ABL2: variants seen among roughly 807,000 people sequenced by gnomAD.
The protein encoded by ABL2 is tyrosine-protein kinase ABL2.
A neutral mutation model predicts 107.7 loss-of-function variants in ABL2; 49 were observed. That is an observed-to-expected ratio of 0.45 (90% CI 0.36 to 0.58). The LOEUF (loss-of-function observed/expected upper bound fraction) is 0.58. Ranked by LOEUF, ABL2 falls within the 20% of genes least tolerant of loss-of-function variation. The pLI is 0.00. For missense variants in ABL2, 1,245 were observed against 1,457.0 expected (o/e 0.85, Z 2.37); for synonymous variants, 549 against 548.6 (o/e 1.00, Z -0.01).
In ABL2 at chr1:179,136,709, AAAATAAATAAATAAATAAAT is replaced by A. The variant is rs201779575; in HGVS notation, c.158-3355_158-3336del. ...AGAAACACCCAAGAATGATCAATAAAAAATAAATAAATAAATAAATAAATAAATAAATAAAAATAAAAATA... is the reference window on the plus strand; with the variant it reads ...AGAAACACCCAAGAATGATCAATAAAAAATAAATAAATAAAAATAAAAATA... On this transcript the variant is annotated intron_variant, in intron 1 of 11. Transcript: ENST00000502732. 2.1e-5 allele frequency among the ~76,000 whole-genome samples: 3 copies of A among 140,642 alleles called. No individual in the cohort carries two copies. In the East Asian group the frequency reaches 6.3e-4, roughly 30 times the overall value. The allele number at this position is 140,642 out of a possible 152,430, so 92.3% of individuals were successfully genotyped here.
At position 179,102,290 on chromosome 1, in the gene ABL2, C is replaced by T. The variant is rs1375452362; in HGVS notation, c.*5428G>A. 2.2e-5 allele frequency: 4 copies of T among 183,496 alleles called. No homozygotes were observed. The highest frequency in any genetic ancestry group is 3.9e-4 in the South Asian group (2 of 5,074). The allele number at this position is 183,496 out of a possible 1,614,324, so 11.4% of individuals were successfully genotyped here. A position where few individuals can be genotyped will look rare whatever the true frequency, so the allele number is the denominator to read the frequency against. ...CCCCCCAAAGTGCTGGGATTACAGG[C>T]GTGAGCCACCGCACCCGGCCAGAAT... On this transcript the variant is annotated 3_prime_UTR_variant, in exon 12 of 12. Transcript: ENST00000502732.
rs760551908 is a variant in ABL2, at chr1:179,110,421, C to T, written c.1686G>A (p.Ser562=). 59 of 1,613,700 alleles carry T rather than the reference C, an allele frequency of 3.7e-5. No homozygotes were observed. The highest frequency in any genetic ancestry group is 1.4e-4 in the South Asian group (13 of 91,014). ...GGGGCAGGTATGGAACAACAGATGA[C>T]GAGGAGGCGGCTCTCCCAAGCTCCT... ...VAEELGRAAS[S]SSVVPYLPRL... The change falls in exon 11 of 12, where the codon TCG becomes TCA. Residue 562 remains serine, a synonymous_variant. Transcript: ENST00000502732.
intron 10 of ABL2, chr1:179,110,696 G>A: frequency 6.3e-7 from 1 of 1,596,298 alleles, no homozygotes; most frequent in Non-Finnish European, 8.6e-7. Flanking sequence ...GCCAACGTGT[G>A]AATATACCAC....
chr1:179,153,886 C>A (rs1315184845), intron 1 of ABL2, among the ~76,000 whole-genome samples: 1 of 150,798 alleles, frequency 6.6e-6, no homozygotes, highest in Non-Finnish European at 1.5e-5. Flanking sequence ...AACAAAAATC[C>A]ATTTTGTTCC....
intron 1 of ABL2, among the ~76,000 whole-genome samples, chr1:179,162,019 G>C (rs1421787359): frequency 6.6e-6 from 1 of 152,008 alleles, no homozygotes; most frequent in African/African-American, 2.4e-5. Flanking sequence ...GTTGATCTTG[G>C]ACCTCCCAGC....
At chr1:179,208,941 A>G (rs1558000400) in intron 1 of ABL2, among the ~76,000 whole-genome samples, 1 of 152,256 alleles carries the variant, frequency 6.6e-6, no homozygotes, top group Non-Finnish European at 1.5e-5. Flanking sequence ...CAATGATGTA[A>G]TAATACTACC....
intron 1 of ABL2, among the ~76,000 whole-genome samples, chr1:179,185,975 G>A (rs1364510996): frequency 6.6e-6 from 1 of 152,156 alleles, no homozygotes. Context: ...GCCGGGCGCA[G>A]TGGCTCACCC....
At chr1:179,211,143 A>G (rs1392673500) in intron 1 of ABL2, among the ~76,000 whole-genome samples, 1 of 152,198 alleles carries the variant, frequency 6.6e-6, no homozygotes, top group East Asian at 1.9e-4. Context: ...TATCAGGGTC[A>G]ATGAAAGAAC....
At chr1:179,179,662 C>T (rs543184782) in intron 1 of ABL2, among the ~76,000 whole-genome samples, 15 of 152,098 alleles carry the variant, frequency 9.9e-5, no homozygotes, top group African/African-American at 3.6e-4. Flanking sequence ...TACTAGGATA[C>T]ACAAAACGCA....
intron 1 of ABL2, among the ~76,000 whole-genome samples, chr1:179,180,020 G>C (rs1437294524): frequency 6.6e-6 from 1 of 152,030 alleles, no homozygotes; most frequent in South Asian, 2.1e-4. Context: ...GCTGAGGTGG[G>C]AGGATCACTT....
intron 1 of ABL2, among the ~76,000 whole-genome samples, chr1:179,176,829 G>A (rs1378435790): frequency 1.3e-5 from 2 of 151,028 alleles, no homozygotes; most frequent in African/African-American, 4.9e-5. Flanking sequence ...CCAAGTAGCT[G>A]GGATTACAGG....
chr1:179,141,468 G>A (rs1241739641), intron 1 of ABL2, among the ~76,000 whole-genome samples: 4 of 152,140 alleles, frequency 2.6e-5, no homozygotes, highest in African/African-American at 9.7e-5. Flanking sequence ...AAAACAGAAT[G>A]AGATCTACAG....
chr1:179,156,657 T>C (rs1658706317), intron 1 of ABL2, among the ~76,000 whole-genome samples: 1 of 152,108 alleles, frequency 6.6e-6, no homozygotes, highest in African/African-American at 2.4e-5. Flanking sequence ...GATGGATCAC[T>C]TGAGGCCAGG....
intron 2 of ABL2, among the ~76,000 whole-genome samples, chr1:179,132,877 G>A (rs1439386819): frequency 1.4e-5 from 2 of 144,666 alleles, no homozygotes; most frequent in African/African-American, 2.6e-5. Flanking sequence ...TCCCACCACC[G>A]AGATGGAGTC....
chr1:179,163,345 A>G (rs1659185151), intron 1 of ABL2, among the ~76,000 whole-genome samples: 1 of 152,226 alleles, frequency 6.6e-6, no homozygotes, highest in African/African-American at 2.4e-5. Flanking sequence ...TCAAACACTT[A>G]CCATAGGACC....
chr1:179,183,911 TG>T, intron 1 of ABL2: 1 of 255,484 alleles, frequency 3.9e-6, no homozygotes. Context: ...GTTCTGAGAC[TG>T]GAAGAGACAT....
intron 9 of ABL2, among the ~76,000 whole-genome samples, chr1:179,114,538 G>A (rs1473994805): frequency 6.6e-6 from 1 of 152,090 alleles, no homozygotes; most frequent in Non-Finnish European, 1.5e-5. Context: ...CTACACAGAG[G>A]TTATTTTTAT....
At chr1:179,144,592 T>C (rs749756114) in intron 1 of ABL2, among the ~76,000 whole-genome samples, 13 of 152,174 alleles carry the variant, frequency 8.5e-5, no homozygotes, top group Non-Finnish European at 1.5e-4. Flanking sequence ...GGTAAGATAA[T>C]AGGATGACAG....
intron 1 of ABL2, among the ~76,000 whole-genome samples, chr1:179,144,928 C>T (rs1489179475): frequency 1.3e-5 from 2 of 152,132 alleles, no homozygotes; most frequent in East Asian, 1.9e-4. Context: ...ATATGGTTTA[C>T]TATTTAATCA....
Sources: allele counts gnomAD v4.1 joint callset (sites outside exome capture counted in the v4.1 genomes callset), GRCh38; gene constraint gnomAD v4.1.1; transcripts MANE v1.5; gene names NCBI Gene and HGNC (gene_info 2026-07-23, HGNC 2026-07-21).